Variants in CERKL observed in about 807,000 individuals in gnomAD.
CERKL encodes the protein ceramide kinase-like protein.
In CERKL, 61 loss-of-function variants were observed where a neutral mutation model predicts 63.4. That is an observed-to-expected ratio of 0.96 (90% CI 0.78 to 1.19). The LOEUF (loss-of-function observed/expected upper bound fraction) is 1.19. Among genes scored for constraint, CERKL ranks in the 50% most tolerant of loss-of-function variants. The pLI is 0.00. For synonymous variants in CERKL, 250 were observed against 230.5 expected, an observed-to-expected ratio of 1.08 and a Z score of -0.77; for missense variants, 675 against 655.5, an observed-to-expected ratio of 1.03 and a Z score of -0.33.
intron 8 of CERKL, 166 bp from the exon 9 acceptor site, chr2:181,548,013 G>T: frequency 1.5e-6 from 1 of 664,746 alleles, no homozygotes; most frequent in Non-Finnish European, 2.6e-6. Context: ...TTTTGTTGCT[G>T]CCAACATAAT....
intron 1 of CERKL, among the ~76,000 whole-genome samples, chr2:181,608,577 A>G (rs1330035592): frequency 6.6e-6 from 1 of 152,232 alleles, no homozygotes; most frequent in Non-Finnish European, 1.5e-5. Flanking sequence ...TGACTATTCC[A>G]ATGTAAAATA....
intron 5 of CERKL, among the ~76,000 whole-genome samples, chr2:181,552,779 T>C (rs1404751915): frequency 2.6e-5 from 4 of 152,208 alleles, no homozygotes; most frequent in African/African-American, 9.7e-5. Context: ...AAACATCACA[T>C]TGTACACAAT....
intron 2 of CERKL, among the ~76,000 whole-genome samples, chr2:181,594,551 T>C (rs1477551239): frequency 2.0e-5 from 3 of 152,216 alleles, no homozygotes; most frequent in African/African-American, 7.2e-5. Context: ...TGGCATCAGA[T>C]GCTATGAAGG....
At chr2:181,549,311 C>T (rs1687880899) in intron 6 of CERKL, among the ~76,000 whole-genome samples, 1 of 152,146 alleles carries the variant, frequency 6.6e-6, no homozygotes, top group Non-Finnish European at 1.5e-5. Flanking sequence ...TACAGTCCTA[C>T]ATCAGTGTTG....
intron 1 of CERKL, among the ~76,000 whole-genome samples, chr2:181,621,935 C>A (rs1686472452): frequency 6.6e-6 from 1 of 152,124 alleles, no homozygotes; most frequent in South Asian, 2.1e-4. Context: ...TAACACTGTG[C>A]AGTCTTTTAG....
chr2:181,537,945 T>G lies in CERKL; in HGVS notation c.*239A>C. 1 of 619,830 alleles carries G rather than the reference T, an allele frequency of 1.6e-6. No individual in the cohort carries two copies. The highest frequency in any genetic ancestry group is 3.0e-6 in the Non-Finnish European group (1 of 330,370). 38.4% of individuals were successfully genotyped at this position (619,830 alleles called of 1,614,324 possible). A position where few individuals can be genotyped will look rare whatever the true frequency, so the allele number is the denominator to read the frequency against. ...CAGCAGCATTAGATTCTCATAGAAG[T>G]GCGAACCATATGGTGAACTGGTATG... On this transcript the variant is annotated 3_prime_UTR_variant, in exon 13 of 13. Coordinates refer to ENST00000410087, the MANE Select transcript of CERKL (RefSeq NM_201548.5).
Position 181,589,293 on chromosome 2 carries a change from A to T in CERKL, c.481+14544T>A, listed in dbSNP as rs187311904. ...TCAGAAAAGTGGCAGCCAAACCACT[A>T]AGAAAAGTAAACTTGCTGAAATGAG... On this transcript the variant is annotated intron_variant, in intron 2 of 12. Transcript: ENST00000410087. 3.5e-3 allele frequency among the ~76,000 whole-genome samples: 532 copies of T among 152,352 alleles called. 9 individuals carry two copies. The highest frequency in any genetic ancestry group is 0.011 in the African/African-American group (464 of 41,590).
intron 5 of CERKL, among the ~76,000 whole-genome samples, chr2:181,553,016 T>C (rs558833730): frequency 2.6e-5 from 4 of 152,282 alleles, no homozygotes; most frequent in Non-Finnish European, 4.4e-5. Context: ...AGCAGCATCA[T>C]TACCTGGGAG....
At chr2:181,564,020 T>A (rs1020682840) in intron 4 of CERKL, among the ~76,000 whole-genome samples, 3 of 152,134 alleles carry the variant, frequency 2.0e-5, no homozygotes, top group Non-Finnish European at 4.4e-5. Flanking sequence ...ATGAAACTGT[T>A]CCACCTCAGA....
intron 5 of CERKL, among the ~76,000 whole-genome samples, chr2:181,554,597 C>A (rs916954166): frequency 3.9e-5 from 6 of 152,088 alleles, no homozygotes; most frequent in African/African-American, 1.4e-4. Context: ...CAGTATAGTT[C>A]CTTAGCACCA....
chr2:181,631,866 A>G (rs1686977752), intron 1 of CERKL, among the ~76,000 whole-genome samples: 1 of 152,164 alleles, frequency 6.6e-6, no homozygotes, highest in African/African-American at 2.4e-5. Context: ...GCTTTTCCCT[A>G]TGTCATTTTT....
At chr2:181,637,125 G>C (rs1242601906) in intron 1 of CERKL, among the ~76,000 whole-genome samples, 1 of 152,102 alleles carries the variant, frequency 6.6e-6, no homozygotes, top group African/African-American at 2.4e-5. Context: ...TTTTTTTAAA[G>C]TTTGGCAATA....
At chr2:181,602,072 TTTG>T (rs1278520359) in intron 2 of CERKL, among the ~76,000 whole-genome samples, 1 of 152,212 alleles carries the variant, frequency 6.6e-6, no homozygotes, top group Admixed American at 6.5e-5. Context: ...GACATTGTTT[TTTG>T]TTGTTGTTTT....
intron 2 of CERKL, among the ~76,000 whole-genome samples, chr2:181,590,233 G>A (rs1684936516): frequency 6.6e-6 from 1 of 152,106 alleles, no homozygotes; most frequent in Admixed American, 6.6e-5. Context: ...CACCTGCTGG[G>A]TTCAAGTGAT....
intron 2 of CERKL, among the ~76,000 whole-genome samples, chr2:181,574,732 A>C (rs1472369787): frequency 6.6e-6 from 1 of 152,194 alleles, no homozygotes; most frequent in African/African-American, 2.4e-5. Flanking sequence ...TTAAAGATTA[A>C]ACAAGCAGTT....
chr2:181,592,362 A>C (rs1277004827), intron 2 of CERKL, among the ~76,000 whole-genome samples: 1 of 152,216 alleles, frequency 6.6e-6, no homozygotes, highest in Non-Finnish European at 1.5e-5. Flanking sequence ...ATATGAGCAA[A>C]GTTTATTGTT....
At chr2:181,570,629 G>A (rs1034790607) in intron 3 of CERKL, among the ~76,000 whole-genome samples, 1 of 152,114 alleles carries the variant, frequency 6.6e-6, no homozygotes, top group African/African-American at 2.4e-5. Flanking sequence ...GCAGAGTGGG[G>A]ATGCAACTTT....
At chr2:181,596,961 T>A (rs1048598538) in intron 2 of CERKL, among the ~76,000 whole-genome samples, 1 of 152,252 alleles carries the variant, frequency 6.6e-6, no homozygotes, top group Non-Finnish European at 1.5e-5. Context: ...TATCCTTTTT[T>A]AATAGCACCC....
In CERKL at chr2:181,644,613, G is replaced by T. The variant is rs187271706; in HGVS notation, c.238+12156C>A. 4.4e-4 allele frequency among the ~76,000 whole-genome samples: 67 copies of T among 152,248 alleles called. 1 individual carries two copies. The highest frequency in any genetic ancestry group is 6.8e-3 in the Middle Eastern group (2 of 294). On this transcript the variant is annotated intron_variant, in intron 1 of 12. Coordinates refer to ENST00000410087, the MANE Select transcript of CERKL (RefSeq NM_201548.5). ...CCTTCCTGCCATGAACCTCACATCA[G>T]AGAAGTGGATGAACCTTAACTCTTA...
Sources: gnomAD v4.1 joint callset for allele counts (sites outside exome capture counted in the v4.1 genomes callset) on GRCh38, gnomAD v4.1.1 for gene constraint, MANE v1.5 for transcripts, NCBI Gene and HGNC (gene_info 2026-07-23, HGNC 2026-07-21) for gene names.